Variants in SENP2 observed in about 807,000 individuals in gnomAD.
SENP2 encodes the protein SUMO specific peptidase 2.
A neutral mutation model predicts 86.3 loss-of-function variants in SENP2; 16 were observed. The ratio of observed to expected loss-of-function variants is 0.19; its 90% CI spans 0.13 to 0.28. The LOEUF (loss-of-function observed/expected upper bound fraction) is 0.28, where lower values mean the gene tolerates loss of function less well. Ranked by LOEUF, SENP2 falls within the 10% of genes least tolerant of loss-of-function variation. The pLI is 1.00. For synonymous variants in SENP2, 222 were observed against 238.7 expected (o/e 0.93, Z 0.64); for missense variants, 552 against 703.0 (o/e 0.79, Z 2.43).
intron 16 of SENP2, among the ~76,000 whole-genome samples, chr3:185,627,083 CAAAAAAAAA>C (rs34406883): frequency 4.0e-5 from 3 of 75,564 alleles, no homozygotes; most frequent in African/African-American, 1.0e-4. Context: ...AACCCTGTCT[CAAAAAAAAA>C]AAAAAAAAAA....
At chr3:185,588,628 A>G (rs112684125) in intron 1 of SENP2, among the ~76,000 whole-genome samples, 2,684 of 152,334 alleles carry the variant, frequency 0.018, 34 homozygotes, top group Middle Eastern at 0.051. Flanking sequence ...TTGTTGGCTA[A>G]ATTGCATCGT....
chr3:185,611,599 A>G, intron 7 of SENP2, 52 bp from the exon 8 acceptor site: 2 of 1,150,792 alleles, frequency 1.7e-6, no homozygotes, highest in East Asian at 4.7e-5. Context: ...ATGCATATTA[A>G]TGGTAGACTT....
At chr3:185,627,227 C>T (rs2148996598) in intron 16 of SENP2, among the ~76,000 whole-genome samples, 1 of 152,116 alleles carries the variant, frequency 6.6e-6, no homozygotes, top group African/African-American at 2.4e-5. Flanking sequence ...ACAATGGGCA[C>T]AATTTGCAAA....
At chr3:185,589,917 C>G (rs1370651170) in intron 1 of SENP2, among the ~76,000 whole-genome samples, 197 bp from the exon 2 acceptor site, 2 of 152,182 alleles carry the variant, frequency 1.3e-5, no homozygotes, top group East Asian at 1.9e-4. Context: ...GATCCTCCCC[C>G]TTGGCCTCCC....
At chr3:185,624,659 T>A (rs1712057815) in intron 15 of SENP2, among the ~76,000 whole-genome samples, 1 of 151,964 alleles carries the variant, frequency 6.6e-6, no homozygotes, top group Non-Finnish European at 1.5e-5. Flanking sequence ...GCAGATCACC[T>A]GAGGTCAGGA....
At chr3:185,615,390 C>T (rs938521903) in intron 11 of SENP2, among the ~76,000 whole-genome samples, 3 of 152,210 alleles carry the variant, frequency 2.0e-5, no homozygotes, top group African/African-American at 7.2e-5. Flanking sequence ...GTTGCCCAGG[C>T]TGGAGTGCAA....
Position 185,586,401 on chromosome 3 carries a change from G to T in SENP2, c.-13G>T. 1 of 1,613,800 alleles carries T rather than the reference G, an allele frequency of 6.2e-7. No individual in the cohort carries two copies. Among genetic ancestry groups the T allele is most frequent in the African/African-American group, 1.3e-5 (1 of 75,066 alleles). On this transcript the variant is annotated 5_prime_UTR_variant, in exon 1 of 17. Transcript: ENST00000296257. The surrounding 1 kb of genome is among the most constrained non-coding windows in gnomAD (Gnocchi z 4.3). The stretch of plus-strand genomic sequence containing the variant: ...TCGGGGTGTGTCGGCCGCCGCTGCT[G>T]CTTGGGCCTGGTATGTACAGATGGC...
intron 14 of SENP2, among the ~76,000 whole-genome samples, 172 bp from the exon 15 acceptor site, chr3:185,623,826 C>CAAAAAAAAAAAA (rs63707460): frequency 6.3e-5 from 3 of 47,786 alleles, no homozygotes; most frequent in East Asian, 9.0e-4. Context: ...GACTCTGTCT[C>CAAAAAAAAAAAA]AAAAAAAAAA....
In SENP2 at chr3:185,630,061, C is replaced by T; in HGVS notation, c.*217C>T. The T allele has an allele frequency of 1.9e-6, 1 of 518,618 alleles. No individual in the cohort carries two copies. Among genetic ancestry groups the T allele is most frequent in the South Asian group, 2.7e-5 (1 of 37,014 alleles). 32.1% of individuals were successfully genotyped at this position (518,618 alleles called of 1,614,324 possible). A position where few individuals can be genotyped will look rare whatever the true frequency, so the allele number is the denominator to read the frequency against. On this transcript the variant is annotated 3_prime_UTR_variant, in exon 17 of 17. Coordinates refer to ENST00000296257, the MANE Select transcript of SENP2 (RefSeq NM_021627.3). ...TTTGTAAGGCTGTGCCTGCTCAGAG[C>T]TTTGGACTGTTCAACCCACACAAGA...
At position 185,586,413 on chromosome 3, in the gene SENP2, T is replaced by C. The variant is rs764305373; in HGVS notation, c.-1T>C. Reference sequence around the variant, plus strand: ...GGCCGCCGCTGCTGCTTGGGCCTGGTATGTACAGATGGCTGGTTAGGATTC... The same window carrying C: ...GGCCGCCGCTGCTGCTTGGGCCTGGCATGTACAGATGGCTGGTTAGGATTC... On this transcript the variant is annotated 5_prime_UTR_variant, in exon 1 of 17. Transcript: ENST00000296257. The surrounding 1 kb of genome is among the most constrained non-coding windows in gnomAD (Gnocchi z 4.3). The C allele has an allele frequency of 6.2e-7, 1 of 1,613,856 alleles. No individual in the cohort carries two copies. Among genetic ancestry groups the C allele is most frequent in the East Asian group, 2.2e-5 (1 of 44,866 alleles).
At chr3:185,592,011 C>T (rs75503055) in intron 2 of SENP2, among the ~76,000 whole-genome samples, 4,010 of 65,768 alleles carry the variant, frequency 0.061, 183 homozygotes, top group East Asian at 0.29. Flanking sequence ...GGTAATATTT[C>T]TTTTTTTTTT....
chr3:185,621,321 C>A, intron 13 of SENP2, among the ~76,000 whole-genome samples: 1 of 117,818 alleles, frequency 8.5e-6, no homozygotes, highest in Non-Finnish European at 1.7e-5. Context: ...ACGTAAGACA[C>A]ATTTTTAACT....
At position 185,630,580 on chromosome 3, in the gene SENP2, G is replaced by A. The variant is rs562843845; in HGVS notation, c.*736G>A. 23 of 152,758 alleles carry A rather than the reference G, an allele frequency of 1.5e-4. No homozygotes were observed. The highest frequency in any genetic ancestry group is 3.6e-4 in the African/African-American group (15 of 41,560). 9.5% of individuals were successfully genotyped at this position (152,758 alleles called of 1,614,324 possible). On this transcript the variant is annotated 3_prime_UTR_variant, in exon 17 of 17. Coordinates refer to ENST00000296257, the MANE Select transcript of SENP2 (RefSeq NM_021627.3). ...GACTCTGATTATCCAAGCATCTTCCGAAGAGTGTTGTGGTCACCTTAAAGA... is the reference window on the plus strand; with the variant it reads ...GACTCTGATTATCCAAGCATCTTCCAAAGAGTGTTGTGGTCACCTTAAAGA...
At chr3:185,615,093 T>C (rs746533580) in intron 11 of SENP2, among the ~76,000 whole-genome samples, 1 of 152,230 alleles carries the variant, frequency 6.6e-6, no homozygotes, top group Non-Finnish European at 1.5e-5. Context: ...TGAAAGTTAT[T>C]ATAGTTTACT....
At chr3:185,629,013 A>G (rs1712286490) in intron 16 of SENP2, among the ~76,000 whole-genome samples, 2 of 152,206 alleles carry the variant, frequency 1.3e-5, no homozygotes, top group Admixed American at 1.3e-4. Flanking sequence ...ATGAGATTTT[A>G]AAGGGAGAAG....
In SENP2 at chr3:185,601,636, T is replaced by G. The variant is rs551737764; in HGVS notation, c.449+781T>G. On this transcript the variant is annotated intron_variant, in intron 5 of 16. Coordinates refer to ENST00000296257, the MANE Select transcript of SENP2 (RefSeq NM_021627.3). ...CATACATTCTCTCCTTTTGTTGTTC[T>G]TGCTTTTTTTTTTTTTTTTTTTGAG... Among the ~76,000 whole-genome samples, 154 of 143,260 alleles carry G rather than the reference T, an allele frequency of 1.1e-3. 1 individual carries two copies. Among genetic ancestry groups the G allele is most frequent in the African/African-American group, 3.8e-3 (147 of 38,186 alleles). 94.0% of individuals were successfully genotyped at this position (143,260 alleles called of 152,430 possible). A position where few individuals can be genotyped will look rare whatever the true frequency, so the allele number is the denominator to read the frequency against.
At chr3:185,624,854 C>T (rs1486877360) in intron 15 of SENP2, among the ~76,000 whole-genome samples, 2 of 142,406 alleles carry the variant, frequency 1.4e-5, no homozygotes, top group African/African-American at 2.6e-5. Context: ...GGCAACAGAG[C>T]GAGACTGTCT....
chr3:185,596,221 C>G lies in SENP2; in HGVS notation c.158-2191C>G, dbSNP rs143760415. On this transcript the variant is annotated intron_variant, in intron 2 of 16. Coordinates refer to ENST00000296257, the MANE Select transcript of SENP2 (RefSeq NM_021627.3). The stretch of plus-strand genomic sequence containing the variant: ...TCAAGTGATCTGCCCGCCTTTGCCT[C>G]CCAAAGTGCTGGGATTACAGGCTTG... 6.6e-3 allele frequency among the ~76,000 whole-genome samples: 999 copies of G among 152,234 alleles called. 47 individuals carry two copies. The East Asian group carries it at 0.13, about 20-fold the overall frequency.
chr3:185,589,907 G>A (rs374225020), intron 1 of SENP2, among the ~76,000 whole-genome samples: 2 of 152,006 alleles, frequency 1.3e-5, no homozygotes, highest in Admixed American at 6.6e-5. Context: ...AGGCTCAAGC[G>A]ATCCTCCCCC....
Sources: allele counts gnomAD v4.1 joint callset (sites outside exome capture counted in the v4.1 genomes callset), GRCh38; gene constraint gnomAD v4.1.1; non-coding constraint Gnocchi (gnomAD v3.1); transcripts MANE v1.5; gene names NCBI Gene and HGNC (gene_info 2026-07-23, HGNC 2026-07-21).